The following GPR149 variants were observed in gnomAD, a reference collection of about 807,000 sequenced individuals.
GPR149 encodes the protein probable G protein-coupled receptor 149.
In GPR149, 50 loss-of-function variants were observed where a neutral mutation model predicts 50.2. The ratio of observed to expected loss-of-function variants is 1.00; its 90% CI spans 0.79 to 1.26. The LOEUF (loss-of-function observed/expected upper bound fraction) is 1.26. Among genes scored for constraint, GPR149 ranks in the 50% most tolerant of loss-of-function variants. The pLI, the probability that GPR149 is intolerant of heterozygous loss-of-function variation, is 0.00. For synonymous variants in GPR149, 405 were observed against 358.2 expected (o/e 1.13, Z -1.48); for missense variants, 983 against 895.4 (o/e 1.10, Z -1.25).
intron 3 of GPR149, among the ~76,000 whole-genome samples, chr3:154,359,078 G>A (rs1290247674): frequency 6.6e-6 from 1 of 152,032 alleles, no homozygotes; most frequent in Non-Finnish European, 1.5e-5. Flanking sequence ...GCCTATACGG[G>A]TAGTATGCAT....
At chr3:154,364,017 G>A (rs570024963) in intron 3 of GPR149, among the ~76,000 whole-genome samples, 1 of 152,272 alleles carries the variant, frequency 6.6e-6, no homozygotes, top group South Asian at 2.1e-4. Context: ...TGGGCAGCAG[G>A]AATAAAAGAG....
rs553121185 is a variant in GPR149, at chr3:154,352,978, G to A, written c.1624-14707C>T. ...ATCACCAGGTCTACTTCAGGAATGT[G>A]CAAACTATGGGCAGCCACATTGGTT... On this transcript the variant is annotated intron_variant, in intron 3 of 3. Transcript: ENST00000389740. 1,191 of 1,081,796 alleles carry A rather than the reference G, an allele frequency of 1.1e-3. 3 individuals carry two copies. The highest frequency in any genetic ancestry group is 2.0e-3 in the Middle Eastern group (7 of 3,566). The allele number at this position is 1,081,796 out of a possible 1,614,324, so 67.0% of individuals were successfully genotyped here. A position where few individuals can be genotyped will look rare whatever the true frequency, so the allele number is the denominator to read the frequency against.
chr3:154,346,562 G>A (rs1336747396), intron 3 of GPR149, among the ~76,000 whole-genome samples: 1 of 151,702 alleles, frequency 6.6e-6, no homozygotes, highest in Non-Finnish European at 1.5e-5. Context: ...AATCCTCAAA[G>A]GCCTTCAAGC....
intron 3 of GPR149, among the ~76,000 whole-genome samples, chr3:154,410,720 A>G (rs1483717065): frequency 6.6e-6 from 1 of 152,186 alleles, no homozygotes; most frequent in African/African-American, 2.4e-5. Context: ...AAGAAATGAG[A>G]TAGATGGCAG....
intron 3 of GPR149, among the ~76,000 whole-genome samples, chr3:154,381,265 C>T (rs1714916219): frequency 1.3e-5 from 2 of 152,282 alleles, no homozygotes; most frequent in South Asian, 2.1e-4. Context: ...ACCCCAGCAC[C>T]TGTTGCTATT....
At chr3:154,352,441 G>A in intron 3 of GPR149, 2 of 845,886 alleles carry the variant, frequency 2.4e-6, no homozygotes, top group South Asian at 2.7e-5. Context: ...TCAGTTGTAG[G>A]AACATCAAAG....
intron 3 of GPR149, among the ~76,000 whole-genome samples, chr3:154,405,585 C>CA (rs33943436): frequency 0.66 from 54,917 of 83,514 alleles, 19,017 homozygotes; most frequent in Middle Eastern, 0.7. Flanking sequence ...AAGACTCCAT[C>CA]AAAAAAAAAA....
At chr3:154,395,000 C>G (rs986684587) in intron 3 of GPR149, among the ~76,000 whole-genome samples, 1 of 152,032 alleles carries the variant, frequency 6.6e-6, no homozygotes, top group East Asian at 1.9e-4. Context: ...CAAATAATTG[C>G]CTTCTTACAG....
Position 154,429,130 on chromosome 3 carries a change from C to G in GPR149, c.486G>C (p.Leu162=), listed in dbSNP as rs1274298936. The change falls in exon 1 of 4, where the codon CTG becomes CTC. Residue 162 remains leucine, a synonymous_variant. Transcript: ENST00000389740. ...GVVLTVWAAS[L]LLSALPLCGW... ...CGCACAGCGGGAGCGCCGAGAGCAG[C>G]AGACTGGCTGCCCACACGGTCAGCA... is the stretch of plus-strand genomic sequence containing the variant. The G allele has an allele frequency of 1.2e-6, 2 of 1,613,512 alleles. No individual in the cohort carries two copies. The highest frequency in any genetic ancestry group is 2.7e-5 in the African/African-American group (2 of 74,938).
chr3:154,350,247 A>G (rs1714042559), intron 3 of GPR149, among the ~76,000 whole-genome samples: 1 of 152,138 alleles, frequency 6.6e-6, no homozygotes, highest in African/African-American at 2.4e-5. Context: ...ACCAGAAAGG[A>G]AGAAATGAAA....
Position 154,336,591 on chromosome 3 carries a change from A to G in GPR149, c.*1108T>C, listed in dbSNP as rs1300205703. The G allele has an allele frequency of 1.3e-5, 2 of 152,120 alleles. No individual in the cohort carries two copies. Among genetic ancestry groups the G allele is most frequent in the Non-Finnish European group, 1.5e-5 (1 of 67,952 alleles). The allele number at this position is 152,120 out of a possible 1,614,324, so 9.4% of individuals were successfully genotyped here. A position where few individuals can be genotyped will look rare whatever the true frequency, so the allele number is the denominator to read the frequency against. ...CCAAGGTGATTCCTGCATTTTTGCA[A>G]TGTAATGCATTCTAGAATTATCTTG... On this transcript the variant is annotated 3_prime_UTR_variant, in exon 4 of 4. Transcript: ENST00000389740.
rs142153352 is a variant in GPR149, at chr3:154,352,470, T to C, written c.1624-14199A>G. The C allele has an allele frequency of 1.3e-4, 103 of 790,492 alleles. No homozygotes were observed. The East Asian group carries it at 2.5e-3, about 19-fold the overall frequency. 49.0% of individuals were successfully genotyped at this position (790,492 alleles called of 1,614,324 possible). A position where few individuals can be genotyped will look rare whatever the true frequency, so the allele number is the denominator to read the frequency against. On this transcript the variant is annotated intron_variant, in intron 3 of 3. Transcript: ENST00000389740. ...ATCAAAGCAAACACCCATATTTCCTTTCAGGAGGCACACACTGGTAATCTG... is the reference window on the plus strand; with the variant it reads ...ATCAAAGCAAACACCCATATTTCCTCTCAGGAGGCACACACTGGTAATCTG...
intron 3 of GPR149, among the ~76,000 whole-genome samples, chr3:154,382,162 G>A (rs1714942393): frequency 6.6e-6 from 1 of 152,202 alleles, no homozygotes; most frequent in Admixed American, 6.6e-5. Context: ...AAGTAGAAGA[G>A]CACAGGCTGT....
At chr3:154,401,330 G>C (rs1224196859) in intron 3 of GPR149, among the ~76,000 whole-genome samples, 2 of 152,182 alleles carry the variant, frequency 1.3e-5, no homozygotes, top group Non-Finnish European at 2.9e-5. Context: ...ATTTTTGAAG[G>C]TGGAGAGAAT....
chr3:154,343,264 G>A (rs701141), intron 3 of GPR149, among the ~76,000 whole-genome samples: 137,927 of 152,244 alleles, frequency 0.91, 62,703 homozygotes, highest in East Asian at 1. Flanking sequence ...CATAGAAAAA[G>A]GTTTGAGAGG....
At chr3:154,394,153 A>AT (rs1715235806) in intron 3 of GPR149, among the ~76,000 whole-genome samples, 1 of 152,084 alleles carries the variant, frequency 6.6e-6, no homozygotes. Flanking sequence ...ACATTTCCTG[A>AT]TTTTCAAAAT....
At chr3:154,399,502 G>A in intron 3 of GPR149, among the ~76,000 whole-genome samples, 1 of 152,070 alleles carries the variant, frequency 6.6e-6, no homozygotes, top group East Asian at 1.9e-4. Flanking sequence ...TTTCTCCTTA[G>A]TCTAAGCTTG....
intron 3 of GPR149, chr3:154,352,433 A>G (rs1472188275): frequency 1.1e-6 from 1 of 870,930 alleles, no homozygotes; most frequent in Non-Finnish European, 2.0e-6. Context: ...TTTCTGATTC[A>G]GTTGTAGGAA....
At chr3:154,338,323 G>T in intron 3 of GPR149, 52 bp from the exon 4 acceptor site, 1 of 1,339,168 alleles carries the variant, frequency 7.5e-7, no homozygotes, top group South Asian at 1.6e-5. Context: ...CTGAGGTTGA[G>T]ACATTTAGAA....
Sources: allele counts gnomAD v4.1 joint callset (sites outside exome capture counted in the v4.1 genomes callset), GRCh38; gene constraint gnomAD v4.1.1; transcripts MANE v1.5; gene names NCBI Gene and HGNC (gene_info 2026-07-23, HGNC 2026-07-21).